GRIN2A: variants seen among roughly 807,000 people sequenced by gnomAD.
The protein encoded by GRIN2A is glutamate ionotropic receptor NMDA type subunit 2A.
Under a neutral mutation model 113.4 loss-of-function variants are expected in GRIN2A, and 22 were observed. That is an observed-to-expected ratio of 0.19 (90% CI 0.14 to 0.28). The LOEUF is 0.28. GRIN2A is among the 10% of genes least tolerant of loss of function. The pLI is 1.00. For missense variants in GRIN2A, 1,502 were observed against 1,887.0 expected (o/e 0.80, Z 3.78); for synonymous variants, 827 against 738.4 (o/e 1.12, Z -1.94).
At chr16:9,950,848 T>G (rs1441997493) in intron 2 of GRIN2A, among the ~76,000 whole-genome samples, 2 of 152,232 alleles carry the variant, frequency 1.3e-5, no homozygotes, top group East Asian at 3.9e-4. Context: ...ATAGATCAGA[T>G]GAGCTCATGT....
chr16:9,867,728 C>T (rs1384064540), intron 4 of GRIN2A, among the ~76,000 whole-genome samples: 2 of 152,182 alleles, frequency 1.3e-5, no homozygotes, highest in Non-Finnish European at 1.5e-5. Flanking sequence ...TTTCCCACCT[C>T]GTTGGCTGAT....
At chr16:10,045,610 G>A (rs1203232337) in intron 2 of GRIN2A, among the ~76,000 whole-genome samples, 1 of 152,166 alleles carries the variant, frequency 6.6e-6, no homozygotes, top group Non-Finnish European at 1.5e-5. Flanking sequence ...TGCCAGACTG[G>A]GTCAGACCAA....
intron 2 of GRIN2A, among the ~76,000 whole-genome samples, chr16:10,053,741 T>C (rs765576496): frequency 2.6e-5 from 4 of 152,266 alleles, no homozygotes; most frequent in Non-Finnish European, 5.9e-5. Context: ...GCTGTATTAG[T>C]TGGTGCAAAA....
intron 2 of GRIN2A, among the ~76,000 whole-genome samples, chr16:10,129,992 T>A (rs1201365885): frequency 6.6e-6 from 1 of 152,194 alleles, no homozygotes; most frequent in Admixed American, 6.5e-5. Context: ...GGTTTCTACA[T>A]AGCAGGTAAG....
intron 10 of GRIN2A, among the ~76,000 whole-genome samples, chr16:9,807,201 GGGAGAT>G (rs2041988851): frequency 2.3e-5 from 3 of 127,846 alleles, no homozygotes; most frequent in Non-Finnish European, 4.9e-5. Flanking sequence ...GAGAGAGAGA[GGGAGAT>G]GGAGAGGGAG....
intron 11 of GRIN2A, among the ~76,000 whole-genome samples, chr16:9,777,502 A>C (rs561624447): frequency 6.6e-6 from 1 of 152,360 alleles, no homozygotes; most frequent in African/African-American, 2.4e-5. Context: ...AGAATATTCC[A>C]TTTCTGTATA....
At chr16:9,861,144 C>G (rs1248627869) in intron 4 of GRIN2A, among the ~76,000 whole-genome samples, 4 of 152,118 alleles carry the variant, frequency 2.6e-5, no homozygotes, top group Non-Finnish European at 5.9e-5. Context: ...GGTTTCATAA[C>G]CATGGGGAAA....
intron 3 of GRIN2A, among the ~76,000 whole-genome samples, chr16:9,929,898 T>G (rs2044549778): frequency 6.6e-6 from 1 of 152,144 alleles, no homozygotes; most frequent in African/African-American, 2.4e-5. Flanking sequence ...CCAAACCACC[T>G]TTCCCTCAAG....
Position 10,120,818 on chromosome 16 carries a change from C to G in GRIN2A, c.414+59180G>C, listed in dbSNP as rs539833549. Among the ~76,000 whole-genome samples the G allele has an allele frequency of 1.2e-4, 18 of 152,026 alleles. 1 individual carries two copies. In the South Asian group the frequency reaches 2.7e-3, roughly 23 times the overall value. On this transcript the variant is annotated intron_variant, in intron 2 of 12. Transcript: ENST00000330684. ...GACACATGCAGATTGCTACCAGAAG[C>G]CTTCATATTCTCTCCCCACTCCCCT...
intron 10 of GRIN2A, among the ~76,000 whole-genome samples, chr16:9,802,128 G>T (rs1903400695): frequency 6.6e-6 from 1 of 152,178 alleles, no homozygotes; most frequent in Admixed American, 6.5e-5. Flanking sequence ...TGGGAGTGTA[G>T]ATTAGTGCAA....
At chr16:10,069,465 G>T (rs2047710343) in intron 2 of GRIN2A, among the ~76,000 whole-genome samples, 1 of 152,192 alleles carries the variant, frequency 6.6e-6, no homozygotes, top group South Asian at 2.1e-4. Context: ...AGAGCAAGAG[G>T]AGACAGACTA....
At chr16:10,007,392 T>C (rs916994200) in intron 2 of GRIN2A, among the ~76,000 whole-genome samples, 2 of 152,256 alleles carry the variant, frequency 1.3e-5, no homozygotes, top group Non-Finnish European at 2.9e-5. Context: ...ATGTTGATCA[T>C]GTTTTCATAG....
At chr16:9,835,614 A>C (rs966122353) in intron 7 of GRIN2A, among the ~76,000 whole-genome samples, 2 of 152,204 alleles carry the variant, frequency 1.3e-5, no homozygotes, top group Non-Finnish European at 2.9e-5. Flanking sequence ...TTTTCCTCAT[A>C]AGCAAATATT....
intron 2 of GRIN2A, among the ~76,000 whole-genome samples, chr16:10,015,118 G>A (rs567440317): frequency 6.6e-6 from 1 of 151,724 alleles, no homozygotes; most frequent in Non-Finnish European, 1.5e-5. Context: ...GCTGGGCATG[G>A]TGGCACATGC....
At chr16:9,918,251 G>A (rs1339530972) in intron 3 of GRIN2A, among the ~76,000 whole-genome samples, 1 of 152,210 alleles carries the variant, frequency 6.6e-6, no homozygotes, top group Non-Finnish European at 1.5e-5. Context: ...ATGTACTGCA[G>A]TATCTCCCTA....
intron 3 of GRIN2A, among the ~76,000 whole-genome samples, 189 bp from the exon 4 acceptor site, chr16:9,891,289 T>C (rs2043690402): frequency 6.6e-6 from 1 of 152,212 alleles, no homozygotes; most frequent in South Asian, 2.1e-4. Flanking sequence ...GCTTTAGTAA[T>C]TGACTGTAAT....
At chr16:10,057,146 G>A (rs573356991) in intron 2 of GRIN2A, among the ~76,000 whole-genome samples, 3 of 151,964 alleles carry the variant, frequency 2.0e-5, no homozygotes, top group African/African-American at 7.3e-5. Flanking sequence ...ACTTTATTTA[G>A]GGTCTATGTG....
chr16:9,798,485 G>A (rs760498057), intron 10 of GRIN2A, 21 bp from the exon 11 acceptor site: 12 of 1,607,282 alleles, frequency 7.5e-6, no homozygotes, highest in Non-Finnish European at 1.7e-6. Context: ...AAGAAACCAG[G>A]GGGTCATAGG....
intron 2 of GRIN2A, among the ~76,000 whole-genome samples, chr16:10,106,106 T>C (rs1321047402): frequency 1.3e-5 from 2 of 151,920 alleles, no homozygotes; most frequent in Non-Finnish European, 2.9e-5. Context: ...TATAGAACTG[T>C]GAGAAACTTG....
Sources: gnomAD v4.1 joint callset for allele counts (sites outside exome capture counted in the v4.1 genomes callset) on GRCh38, gnomAD v4.1.1 for gene constraint, MANE v1.5 for transcripts, NCBI Gene and HGNC (gene_info 2026-07-23, HGNC 2026-07-21) for gene names.